COL26A1: variants seen among roughly 807,000 people sequenced by gnomAD.
COL26A1 encodes the protein collagen alpha-1(XXVI) chain.
In COL26A1, 41 loss-of-function variants were observed where a neutral mutation model predicts 59.3. The ratio of observed to expected loss-of-function variants is 0.69; its 90% CI spans 0.54 to 0.90. The LOEUF (loss-of-function observed/expected upper bound fraction) is 0.90, where lower values mean the gene tolerates loss of function less well. Among genes scored for constraint, COL26A1 ranks in the 40% least tolerant of loss-of-function variants. The probability of loss-of-function intolerance (pLI) is 0.00; values close to 1 mark genes in which losing one functional copy is unlikely to be tolerated. For synonymous variants in COL26A1, 266 were observed against 256.0 expected, an observed-to-expected ratio of 1.04 and a Z score of -0.37; for missense variants, 612 against 602.3, an observed-to-expected ratio of 1.02 and a Z score of -0.17.
At chr7:101,536,492 G>C (rs1395998580) in intron 4 of COL26A1, among the ~76,000 whole-genome samples, 1 of 152,224 alleles carries the variant, frequency 6.6e-6, no homozygotes, top group East Asian at 1.9e-4. Flanking sequence ...TTAGATCAGA[G>C]GCTAGGGGTC....
intron 3 of COL26A1, among the ~76,000 whole-genome samples, chr7:101,501,091 C>T (rs1794694505): frequency 6.7e-6 from 1 of 148,182 alleles, no homozygotes; most frequent in African/African-American, 2.5e-5. Flanking sequence ...GAGGCTGAGG[C>T]AGGAGAATCG....
At chr7:101,397,401 T>TTTC (rs1449517307) in intron 1 of COL26A1, among the ~76,000 whole-genome samples, 1 of 151,732 alleles carries the variant, frequency 6.6e-6, no homozygotes, top group Admixed American at 6.6e-5. Context: ...TTTTTTTATC[T>TTTC]TTCTTTTTTC....
At chr7:101,420,379 T>C (rs1448494096) in intron 2 of COL26A1, among the ~76,000 whole-genome samples, 2 of 152,064 alleles carry the variant, frequency 1.3e-5, no homozygotes, top group East Asian at 1.9e-4. Flanking sequence ...GGGTATGGGA[T>C]CCGAGGTCGG....
At chr7:101,520,962 T>G (rs1428097566) in intron 3 of COL26A1, among the ~76,000 whole-genome samples, 2 of 152,198 alleles carry the variant, frequency 1.3e-5, no homozygotes, top group Non-Finnish European at 2.9e-5. Context: ...TGTATTAGCC[T>G]GTCTTCACAC....
intron 3 of COL26A1, among the ~76,000 whole-genome samples, chr7:101,507,670 C>T (rs1794840509): frequency 6.6e-6 from 1 of 152,150 alleles, no homozygotes; most frequent in African/African-American, 2.4e-5. Context: ...CCTCCCTCCT[C>T]CACTTCCCAA....
At chr7:101,518,486 C>G (rs887171666) in intron 3 of COL26A1, among the ~76,000 whole-genome samples, 2 of 152,220 alleles carry the variant, frequency 1.3e-5, no homozygotes, top group Non-Finnish European at 2.9e-5. Context: ...GCCAACTCCC[C>G]GTGTCCAAGT....
chr7:101,420,165 G>A, intron 2 of COL26A1, 66 bp downstream of exon 2: 1 of 1,587,394 alleles, frequency 6.3e-7, no homozygotes, highest in Non-Finnish European at 8.6e-7. Flanking sequence ...ACCAGTCCCA[G>A]GATGGCTCTG....
At chr7:101,491,191 G>C (rs1794452753) in intron 3 of COL26A1, among the ~76,000 whole-genome samples, 1 of 152,116 alleles carries the variant, frequency 6.6e-6, no homozygotes, top group African/African-American at 2.4e-5. Flanking sequence ...AGCTGTGTTT[G>C]AAGCCACCTT....
At chr7:101,370,216 G>T (rs1226468938) in intron 1 of COL26A1, among the ~76,000 whole-genome samples, 23 of 152,070 alleles carry the variant, frequency 1.5e-4, no homozygotes, top group Non-Finnish European at 5.9e-5. Context: ...GGTAAGAATA[G>T]ACTTCCCTGA....
intron 1 of COL26A1, among the ~76,000 whole-genome samples, chr7:101,396,970 G>GAT (rs1221183260): frequency 6.6e-6 from 1 of 152,214 alleles, no homozygotes; most frequent in Non-Finnish European, 1.5e-5. Context: ...ACGCTGGGTA[G>GAT]ATGGGGCTGT....
At chr7:101,422,651 T>C (rs1160955539) in intron 2 of COL26A1, among the ~76,000 whole-genome samples, 2 of 13,190 alleles carry the variant, frequency 1.5e-4, no homozygotes, top group Non-Finnish European at 2.6e-4. Context: ...TCTTTCTTTC[T>C]TTTTTTTTGG....
At chr7:101,383,557 C>CA (rs1262112948) in intron 1 of COL26A1, among the ~76,000 whole-genome samples, 1 of 149,190 alleles carries the variant, frequency 6.7e-6, no homozygotes, top group Non-Finnish European at 1.5e-5. Flanking sequence ...TTTTATGAGA[C>CA]AGAGTCTCGC....
intron 3 of COL26A1, among the ~76,000 whole-genome samples, chr7:101,507,158 G>T (rs1007154221): frequency 1.3e-5 from 2 of 151,992 alleles, no homozygotes; most frequent in African/African-American, 2.4e-5. Flanking sequence ...CAAGTGATCC[G>T]CCTGCCTCGG....
chr7:101,512,594 C>T (rs1461338689), intron 3 of COL26A1, among the ~76,000 whole-genome samples: 2 of 152,172 alleles, frequency 1.3e-5, no homozygotes, highest in African/African-American at 2.4e-5. Context: ...TGCACTCCAG[C>T]CTGGGCAATA....
At chr7:101,378,479 G>A (rs1791369961) in intron 1 of COL26A1, among the ~76,000 whole-genome samples, 1 of 152,098 alleles carries the variant, frequency 6.6e-6, no homozygotes, top group Admixed American at 6.6e-5. Flanking sequence ...CTGAGATTAT[G>A]CCGTTGCACT....
chr7:101,527,879 G>A (rs753347162), intron 3 of COL26A1, among the ~76,000 whole-genome samples: 1 of 152,138 alleles, frequency 6.6e-6, no homozygotes, highest in East Asian at 1.9e-4. Context: ...AGTAGTTCGG[G>A]CAGGGCCTCC....
chr7:101,470,893 A>G (rs1035136363), intron 3 of COL26A1, among the ~76,000 whole-genome samples: 7 of 152,056 alleles, frequency 4.6e-5, no homozygotes, highest in Admixed American at 4.6e-4. Flanking sequence ...TCTCACCCTG[A>G]AGCTGTCTAG....
chr7:101,387,778 A>ATATATATTTTTTT (rs773025730), intron 1 of COL26A1, among the ~76,000 whole-genome samples: 2 of 84,804 alleles, frequency 2.4e-5, no homozygotes, highest in African/African-American at 9.9e-5. Context: ...ATATATATAT[A>ATATATATTTTTTT]TTTTTTTTTA....
In COL26A1 at chr7:101,381,341, C is replaced by G. The variant is rs886204270; in HGVS notation, c.158+18151C>G. Among the ~76,000 whole-genome samples, 5 of 152,108 alleles carry G rather than the reference C, an allele frequency of 3.3e-5. No individual in the cohort carries two copies. In the South Asian group the frequency reaches 8.3e-4, roughly 25 times the overall value. ...CTCTGACTTTGATCTTCCTGCCTCTCTCTTGTATGGACCTTTTAGATTAGG... is the reference window on the plus strand; with the variant it reads ...CTCTGACTTTGATCTTCCTGCCTCTGTCTTGTATGGACCTTTTAGATTAGG... On this transcript the variant is annotated intron_variant, in intron 1 of 12. Coordinates refer to ENST00000313669, the MANE Select transcript of COL26A1 (RefSeq NM_001278563.3).
Sources: allele counts gnomAD v4.1 joint callset (sites outside exome capture counted in the v4.1 genomes callset), GRCh38; gene constraint gnomAD v4.1.1; transcripts MANE v1.5; gene names NCBI Gene and HGNC (gene_info 2026-07-23, HGNC 2026-07-21).